ECT2: variants seen among roughly 807,000 people sequenced by gnomAD.
ECT2 encodes protein ECT2.
A neutral mutation model predicts 116.9 loss-of-function variants in ECT2; 61 were observed. That is an observed-to-expected ratio of 0.52 (90% CI 0.42 to 0.65). The LOEUF is 0.65. Ranked by LOEUF, ECT2 falls within the 30% of genes least tolerant of loss-of-function variation. ECT2 has a pLI of 0.00. For synonymous variants in ECT2, 358 were observed against 346.4 expected (o/e 1.03, Z -0.37); for missense variants, 937 against 1,078.7 (o/e 0.87, Z 1.84).
intron 24 of ECT2, chr3:172,818,693 T>A (rs781696928): frequency 2.3e-6 from 3 of 1,289,042 alleles, no homozygotes; most frequent in Middle Eastern, 2.1e-4. Flanking sequence ...TTTTCAGAGA[T>A]ACTAGAAGGA....
intron 24 of ECT2, among the ~76,000 whole-genome samples, chr3:172,818,029 T>G (rs1306795270): frequency 6.6e-6 from 1 of 152,134 alleles, no homozygotes; most frequent in Non-Finnish European, 1.5e-5. Flanking sequence ...TGTAAAGTGC[T>G]TAGAACAGTA....
At chr3:172,802,584 T>C (rs781556917) in intron 18 of ECT2, 32 bp from the exon 19 acceptor site, 1 of 1,359,406 alleles carries the variant, frequency 7.4e-7, no homozygotes, top group Non-Finnish European at 1.0e-6. Flanking sequence ...TCATGTTCTA[T>C]TTTAAAAGTT....
chr3:172,777,064 G>C (rs536304898), intron 14 of ECT2, among the ~76,000 whole-genome samples: 1 of 152,084 alleles, frequency 6.6e-6, no homozygotes, highest in African/African-American at 2.4e-5. Flanking sequence ...TGGAGGTGGG[G>C]TTTCACCACA....
chr3:172,766,520 A>G (rs1719422535), intron 12 of ECT2, among the ~76,000 whole-genome samples: 2 of 152,230 alleles, frequency 1.3e-5, no homozygotes, highest in Admixed American at 1.3e-4. Context: ...CGCTTCGGCC[A>G]TGAAATAATA....
intron 18 of ECT2, among the ~76,000 whole-genome samples, chr3:172,795,830 G>A (rs1192270828): frequency 6.6e-6 from 1 of 152,002 alleles, no homozygotes; most frequent in Non-Finnish European, 1.5e-5. Flanking sequence ...AAACAAAAAC[G>A]AATTGCTGAA....
At chr3:172,774,070 ATATT>A in intron 14 of ECT2, 48 bp downstream of exon 14, 2 of 1,563,846 alleles carry the variant, frequency 1.3e-6, no homozygotes, top group Admixed American at 1.7e-5. Flanking sequence ...CAGATTGTAC[ATATT>A]TATTATGATC....
In ECT2 at chr3:172,818,405, A is replaced by G. The variant is rs77170975; in HGVS notation, c.2655+1568A>G. 8.7e-3 allele frequency: 3,612 copies of G among 416,206 alleles called. 126 individuals are homozygous for G. Among genetic ancestry groups the G allele is most frequent in the African/African-American group, 0.072 (3,303 of 46,192 alleles). The allele number at this position is 416,206 out of a possible 1,614,324, so 25.8% of individuals were successfully genotyped here. A position where few individuals can be genotyped will look rare whatever the true frequency, so the allele number is the denominator to read the frequency against. ...AAACATTTTCATCTTTCAAATGAAA[A>G]TAAATGAATTTTATAGAAAATTTTA... On this transcript the variant is annotated intron_variant, in intron 24 of 24. Coordinates refer to ENST00000392692, the MANE Select transcript of ECT2 (RefSeq NM_001258315.2).
At chr3:172,797,017 A>G (rs926553394) in intron 18 of ECT2, among the ~76,000 whole-genome samples, 1 of 49,108 alleles carries the variant, frequency 2.0e-5, no homozygotes, top group Non-Finnish European at 4.4e-5. Flanking sequence ...ATCAGGTTCA[A>G]CTGTGTGTGT....
intron 24 of ECT2, among the ~76,000 whole-genome samples, 158 bp downstream of exon 24, chr3:172,816,995 C>T (rs1324956935): frequency 1.3e-5 from 2 of 152,058 alleles, no homozygotes; most frequent in Admixed American, 1.3e-4. Flanking sequence ...GAATGCGAAT[C>T]AATGTAAAAT....
chr3:172,810,190 T>C (rs1299199428), intron 22 of ECT2, among the ~76,000 whole-genome samples: 1 of 152,194 alleles, frequency 6.6e-6, no homozygotes. Context: ...AACGATAACC[T>C]TTCCCGAAGT....
chr3:172,769,062 G>A lies in ECT2; in HGVS notation c.1347G>A (p.Lys449=), dbSNP rs759399084. 5 of 1,613,470 alleles carry A rather than the reference G, an allele frequency of 3.1e-6. No homozygotes were observed. The East Asian group carries it at 1.1e-4, about 36-fold the overall frequency. ...SSKSSTPVPS[K]QSARWQVAKE... The stretch of plus-strand genomic sequence containing the variant: ...AAAGCTCCACTCCAGTTCCTTCAAA[G>A]CAGTCAGCAAGGTGGCAAGTTGCAA... Residue 449 remains lysine, a synonymous_variant, in exon 13 of 25, where the codon AAG becomes AAA. Transcript: ENST00000392692.
intron 12 of ECT2, among the ~76,000 whole-genome samples, chr3:172,766,829 A>C (rs1255201651): frequency 6.6e-6 from 1 of 152,240 alleles, no homozygotes; most frequent in Non-Finnish European, 1.5e-5. Context: ...TTATAATCAT[A>C]ATGGACAATA....
chr3:172,777,732 C>T (rs1311323739), intron 14 of ECT2, among the ~76,000 whole-genome samples: 1 of 152,106 alleles, frequency 6.6e-6, no homozygotes, highest in Non-Finnish European at 1.5e-5. Context: ...AACCCCATCG[C>T]TACAAAAAAT....
chr3:172,757,044 C>A lies in ECT2; in HGVS notation c.365C>A (p.Pro122Gln). Residue 122 changes from proline to glutamine, a missense_variant, in exon 5 of 25, where the codon CCG (proline) becomes CAG (glutamine). By Grantham distance (76) the Pro-to-Gln change is moderately conservative. Transcript: ENST00000392692. ...GAAGAATTTGAAGGTTTGGATTCTC[C>A]GGAATTTGAAAATGTATTTGTAGTC... ...SVEEFEGLDS[P>Q]EFENVFVVTD... The A allele has an allele frequency of 6.2e-7, 1 of 1,611,288 alleles. No individual in the cohort carries two copies. Among genetic ancestry groups the A allele is most frequent in the Non-Finnish European group, 8.5e-7 (1 of 1,179,040 alleles).
chr3:172,795,839 A>G (rs1316100325), intron 18 of ECT2, among the ~76,000 whole-genome samples: 2 of 152,194 alleles, frequency 1.3e-5, no homozygotes, highest in African/African-American at 4.8e-5. Context: ...CGAATTGCTG[A>G]ATAAATAGGT....
chr3:172,764,807 AGT>A (rs1719012833), intron 12 of ECT2, among the ~76,000 whole-genome samples: 1 of 152,200 alleles, frequency 6.6e-6, no homozygotes, highest in African/African-American at 2.4e-5. Flanking sequence ...ATAACTAGAG[AGT>A]GATAGTGCTG....
the ECT2 span, among the ~76,000 whole-genome samples, chr3:172,827,366 A>G: frequency 6.6e-6 from 1 of 152,226 alleles, no homozygotes; most frequent in African/African-American, 2.4e-5. Context: ...TAGCCAAGAT[A>G]TGGAATCAAC....
At chr3:172,777,338 A>G (rs978650496) in intron 14 of ECT2, among the ~76,000 whole-genome samples, 1 of 152,222 alleles carries the variant, frequency 6.6e-6, no homozygotes, top group African/African-American at 2.4e-5. Flanking sequence ...ACTGTCTAGC[A>G]TTTAGATTAC....
At chr3:172,799,249 C>T (rs576547881) in intron 18 of ECT2, among the ~76,000 whole-genome samples, 6 of 152,044 alleles carry the variant, frequency 3.9e-5, no homozygotes, top group African/African-American at 7.2e-5. Context: ...GCCCTATCAA[C>T]GGAAACTAGA....
Sources: gnomAD v4.1 joint callset for allele counts (sites outside exome capture counted in the v4.1 genomes callset) on GRCh38, gnomAD v4.1.1 for gene constraint, MANE v1.5 for transcripts, NCBI Gene and HGNC (gene_info 2026-07-23, HGNC 2026-07-21) for gene names.